Variants in AKT3 observed in about 807,000 individuals in gnomAD.
The protein encoded by AKT3 is RAC-gamma serine/threonine-protein kinase.
In AKT3, 15 loss-of-function variants were observed where a neutral mutation model predicts 65.3. The observed-to-expected ratio is 0.23, with a 90% CI of 0.15 to 0.35. The LOEUF (loss-of-function observed/expected upper bound fraction) is 0.35, where lower values mean the gene tolerates loss of function less well. AKT3 is among the 10% of genes least tolerant of loss of function. AKT3 has a pLI of 1.00. For synonymous variants in AKT3, 206 were observed against 183.8 expected (o/e 1.12, Z -0.98); for missense variants, 243 against 576.5 (o/e 0.42, Z 5.92).
downstream of AKT3, among the ~76,000 whole-genome samples, chr1:243,495,647 G>A (rs968316684): frequency 1.8e-4 from 27 of 152,222 alleles, no homozygotes; most frequent in African/African-American, 6.3e-4. Context: ...GCAGGGGCCT[G>A]AGGGTGGCTG....
intron 3 of AKT3, among the ~76,000 whole-genome samples, chr1:243,693,165 T>C (rs904774288): frequency 6.9e-5 from 10 of 145,880 alleles, no homozygotes; most frequent in Admixed American, 5.6e-4. Context: ...TTAAAACCCA[T>C]ATTGATTAAA....
At chr1:243,638,661 T>C (rs765955970) in intron 5 of AKT3, among the ~76,000 whole-genome samples, 18 of 152,072 alleles carry the variant, frequency 1.2e-4, no homozygotes, top group Non-Finnish European at 2.4e-4. Flanking sequence ...TTAAACTCAG[T>C]TTAGAGGTTT....
At chr1:243,656,826 A>G (rs12691548) in intron 4 of AKT3, among the ~76,000 whole-genome samples, 77,600 of 152,100 alleles carry the variant, frequency 0.51, 23,948 homozygotes, top group Non-Finnish European at 0.69. Flanking sequence ...AGCTGTTAAG[A>G]AAGAAAAATG....
chr1:243,843,573 T>C, intron 1 of AKT3: 13 of 1,023,704 alleles, frequency 1.3e-5, no homozygotes, highest in Non-Finnish European at 1.5e-5. Flanking sequence ...TGTTTGGTGA[T>C]GTGTATTTGA....
chr1:243,648,278 AAAG>A (rs1681002672), intron 4 of AKT3, among the ~76,000 whole-genome samples: 1 of 151,932 alleles, frequency 6.6e-6, no homozygotes, highest in Non-Finnish European at 1.5e-5. Context: ...AAAGAAAAGA[AAAG>A]AAAAAGAAAA....
chr1:243,585,232 A>T (rs1675705103), intron 8 of AKT3, among the ~76,000 whole-genome samples: 1 of 152,168 alleles, frequency 6.6e-6, no homozygotes, highest in African/African-American at 2.4e-5. Context: ...AAGAAATCAT[A>T]CATGACACAA....
chr1:243,742,073 A>C (rs1006833859), intron 2 of AKT3, among the ~76,000 whole-genome samples: 10 of 151,162 alleles, frequency 6.6e-5, no homozygotes, highest in African/African-American at 2.4e-4. Flanking sequence ...AAAAAAAAAA[A>C]AAAACAGTAA....
At chr1:243,828,533 A>G (rs1694311953) in intron 2 of AKT3, among the ~76,000 whole-genome samples, 1 of 152,118 alleles carries the variant, frequency 6.6e-6, no homozygotes, top group South Asian at 2.1e-4. Flanking sequence ...TAGCAATACC[A>G]ACCCTTTCTC....
chr1:243,725,877 C>T (rs1301761047), intron 2 of AKT3, among the ~76,000 whole-genome samples: 2 of 152,056 alleles, frequency 1.3e-5, no homozygotes, highest in African/African-American at 4.8e-5. Flanking sequence ...TATGTTGTTA[C>T]AATTTTCAAA....
chr1:243,541,195 T>G (rs1007739612), intron 12 of AKT3, among the ~76,000 whole-genome samples: 20 of 152,192 alleles, frequency 1.3e-4, no homozygotes, highest in African/African-American at 4.6e-4. Flanking sequence ...AATGGTGATT[T>G]GATTTTCTAC....
intron 5 of AKT3, among the ~76,000 whole-genome samples, chr1:243,642,732 G>GT (rs1482024425): frequency 6.6e-6 from 1 of 152,140 alleles, no homozygotes; most frequent in Non-Finnish European, 1.5e-5. Flanking sequence ...CCCTTTACAT[G>GT]TTTACGTGGC....
At chr1:243,728,294 A>C (rs1687339319) in intron 2 of AKT3, among the ~76,000 whole-genome samples, 1 of 152,160 alleles carries the variant, frequency 6.6e-6, no homozygotes, top group Admixed American at 6.6e-5. Flanking sequence ...AACCTCAACC[A>C]AACTTTGATT....
intron 8 of AKT3, among the ~76,000 whole-genome samples, chr1:243,607,023 T>G (rs1044245146): frequency 6.6e-6 from 1 of 152,214 alleles, no homozygotes; most frequent in Non-Finnish European, 1.5e-5. Flanking sequence ...TTTGGGAACC[T>G]CCACCTAGAT....
intron 8 of AKT3, among the ~76,000 whole-genome samples, chr1:243,585,361 T>C (rs1022427311): frequency 2.0e-5 from 3 of 151,358 alleles, no homozygotes; most frequent in African/African-American, 7.3e-5. Flanking sequence ...ACTACCAACA[T>C]CATTTTTCAC....
chr1:243,613,870 A>G, intron 7 of AKT3, 131 bp from the exon 8 acceptor site: 1 of 524,782 alleles, frequency 1.9e-6, no homozygotes, highest in Non-Finnish European at 3.2e-6. Flanking sequence ...TTAAGAGTTT[A>G]TTTACTACTT....
intron 4 of AKT3, among the ~76,000 whole-genome samples, chr1:243,656,745 G>A (rs1681829623): frequency 6.6e-6 from 1 of 152,216 alleles, no homozygotes; most frequent in Admixed American, 6.5e-5. Flanking sequence ...AGGCATACGT[G>A]TGCGCATGCA....
chr1:243,822,542 ATAAAGAAGAAAAGAGAGAAGAATC>A (rs1206998228), intron 2 of AKT3, among the ~76,000 whole-genome samples: 1 of 152,078 alleles, frequency 6.6e-6, no homozygotes, highest in Admixed American at 6.6e-5. Context: ...AGCTAGATTA[ATAAAGAAGAAAAGAGAGAAGAATC>A]AAATAGATTC....
At chr1:243,715,973 C>T (rs918269613) in intron 2 of AKT3, among the ~76,000 whole-genome samples, 1 of 152,006 alleles carries the variant, frequency 6.6e-6, no homozygotes, top group African/African-American at 2.4e-5. Flanking sequence ...ACCATTTGAT[C>T]AAAAGTTTTT....
chr1:243,768,346 C>T (rs763114396), intron 2 of AKT3, among the ~76,000 whole-genome samples: 52 of 152,200 alleles, frequency 3.4e-4, no homozygotes, highest in Non-Finnish European at 5.7e-4. Context: ...CATGTTTCCT[C>T]ATTTCCATTG....
Sources: gnomAD v4.1 joint callset for allele counts (sites outside exome capture counted in the v4.1 genomes callset) on GRCh38, gnomAD v4.1.1 for gene constraint, MANE v1.5 for transcripts, NCBI Gene and HGNC (gene_info 2026-07-23, HGNC 2026-07-21) for gene names.